Variants in SENP7 observed in about 807,000 individuals in gnomAD.
SENP7 encodes sentrin-specific protease 7.
A neutral mutation model predicts 141.2 loss-of-function variants in SENP7; 64 were observed. That is an observed-to-expected ratio of 0.45 (90% CI 0.37 to 0.56). The LOEUF (loss-of-function observed/expected upper bound fraction) is 0.56, where lower values mean the gene tolerates loss of function less well. Ranked by LOEUF, SENP7 falls within the 20% of genes least tolerant of loss-of-function variation. The pLI, the probability that SENP7 is intolerant of heterozygous loss-of-function variation, is 0.00. For synonymous variants in SENP7, 382 were observed against 426.4 expected (o/e 0.90, Z 1.28); for missense variants, 1,025 against 1,212.2 (o/e 0.85, Z 2.29).
At position 101,331,999 on chromosome 3, in the gene SENP7, T is replaced by C; in HGVS notation, c.2684A>G (p.Asp895Gly). Residue 895 changes from aspartate to glycine, a missense_variant, in exon 19 of 24, where the codon GAC becomes GGC. Physicochemically the swap from Asp to Gly is moderately conservative, Grantham distance 94. Around this residue, in one of 4 missense-constraint regions of SENP7, gnomAD observed 295 missense variants for 459.1 expected, o/e 0.64. Coordinates refer to ENST00000394095, the MANE Select transcript of SENP7 (RefSeq NM_020654.5). Reference protein sequence around the residue: ...QQSQAQQSQNDNKTIDNDLRT... With the variant: ...QQSQAQQSQNGNKTIDNDLRT... ...ATGGATGTCACCTATTGTTTTGTTG[T>C]CATTTTGGGACTGCTGAGCCTGGGA... 1 of 1,613,496 alleles carries C rather than the reference T, an allele frequency of 6.2e-7. No individual in the cohort carries two copies. Among genetic ancestry groups the C allele is most frequent in the Non-Finnish European group, 8.5e-7 (1 of 1,179,620 alleles).
At chr3:101,419,886 A>T (rs937276128) in intron 4 of SENP7, among the ~76,000 whole-genome samples, 1 of 152,226 alleles carries the variant, frequency 6.6e-6, no homozygotes, top group Non-Finnish European at 1.5e-5. Flanking sequence ...TGAGGGGCTT[A>T]CAAATTATTC....
At chr3:101,445,905 T>C (rs2062872408) in intron 4 of SENP7, among the ~76,000 whole-genome samples, 1 of 151,520 alleles carries the variant, frequency 6.6e-6, no homozygotes, top group African/African-American at 2.4e-5. Context: ...ATTATTAGAG[T>C]TAAAAAGAAA....
At chr3:101,359,100 G>A (rs1190343110) in intron 11 of SENP7, 2 of 151,818 alleles carry the variant, frequency 1.3e-5, no homozygotes, top group Non-Finnish European at 2.9e-5. Flanking sequence ...ACGTGACAAA[G>A]CCTTTATATG....
intron 7 of SENP7, among the ~76,000 whole-genome samples, chr3:101,371,576 T>C (rs2060182336): frequency 6.6e-6 from 1 of 152,188 alleles, no homozygotes. Flanking sequence ...CCTTCAAATT[T>C]GCTAATAGTG....
intron 3 of SENP7, among the ~76,000 whole-genome samples, chr3:101,468,679 G>A (rs1477207584): frequency 6.6e-6 from 1 of 152,146 alleles, no homozygotes; most frequent in Non-Finnish European, 1.5e-5. Context: ...GTCACTACCA[G>A]GCCTGCCTTA....
chr3:101,342,815 G>A (rs559782511), intron 14 of SENP7, among the ~76,000 whole-genome samples: 110 of 152,002 alleles, frequency 7.2e-4, no homozygotes, highest in African/African-American at 2.3e-3. Flanking sequence ...ACAGGAATGC[G>A]CCACCACACC....
At chr3:101,410,563 T>C (rs1328433260) in intron 5 of SENP7, among the ~76,000 whole-genome samples, 2 of 152,154 alleles carry the variant, frequency 1.3e-5, no homozygotes, top group African/African-American at 4.8e-5. Flanking sequence ...AACCATGGTA[T>C]AGGCCGGGCA....
intron 11 of SENP7, chr3:101,358,064 C>A: frequency 3.2e-6 from 2 of 630,268 alleles, no homozygotes; most frequent in Non-Finnish European, 2.5e-6. Context: ...CCTTATTAAA[C>A]ATGAGATAAT....
chr3:101,430,146 T>C (rs1183602968), intron 4 of SENP7, among the ~76,000 whole-genome samples: 1 of 152,202 alleles, frequency 6.6e-6, no homozygotes, highest in Admixed American at 6.5e-5. Context: ...GCCTAAAATT[T>C]TCTTTTTTTG....
At chr3:101,447,818 C>T (rs929093696) in intron 4 of SENP7, among the ~76,000 whole-genome samples, 2 of 151,750 alleles carry the variant, frequency 1.3e-5, no homozygotes, top group Admixed American at 6.6e-5. Flanking sequence ...AAGACCCACA[C>T]TTCCCAATTT....
chr3:101,337,352 AG>A, intron 17 of SENP7, 156 bp downstream of exon 17: 2 of 440,498 alleles, frequency 4.5e-6, no homozygotes, highest in Non-Finnish European at 8.1e-6. Context: ...AAACAGTGGA[AG>A]GATGAGAAAT....
At chr3:101,328,129 A>G (rs2058952658) in intron 22 of SENP7, among the ~76,000 whole-genome samples, 2 of 152,196 alleles carry the variant, frequency 1.3e-5, no homozygotes, top group Non-Finnish European at 2.9e-5. Context: ...AGTAAATTAC[A>G]AAATTACACA....
At chr3:101,493,846 TTAAAA>T (rs770221794) in intron 3 of SENP7, 22 bp downstream of exon 3, 29 of 1,332,492 alleles carry the variant, frequency 2.2e-5, no homozygotes, top group African/African-American at 4.4e-5. Context: ...AACTGTATAC[TTAAAA>T]TAAATTAATT....
intron 6 of SENP7, among the ~76,000 whole-genome samples, chr3:101,397,739 C>T (rs914153044): frequency 6.6e-6 from 1 of 152,010 alleles, no homozygotes. Flanking sequence ...AATAGAAATA[C>T]AAACCAGAAG....
chr3:101,342,030 A>G (rs1005836672), intron 14 of SENP7, among the ~76,000 whole-genome samples: 22 of 152,220 alleles, frequency 1.4e-4, no homozygotes, highest in African/African-American at 5.1e-4. Flanking sequence ...AGAAGAATAT[A>G]ACAATTTTGC....
intron 3 of SENP7, among the ~76,000 whole-genome samples, chr3:101,490,045 G>A (rs2064900416): frequency 6.6e-6 from 1 of 152,046 alleles, no homozygotes; most frequent in Non-Finnish European, 1.5e-5. Context: ...CTAGCCCGAT[G>A]TGGTGGTGCA....
intron 4 of SENP7, among the ~76,000 whole-genome samples, chr3:101,430,998 G>A (rs2062145240): frequency 1.3e-5 from 2 of 152,188 alleles, no homozygotes; most frequent in African/African-American, 4.8e-5. Context: ...GTATGAGCGG[G>A]TTTCTTAATC....
rs2059991053 is a variant in SENP7 at position 101,364,739 on chromosome 3, T to C, written c.1476+95A>G. 5.4e-6 allele frequency: 5 copies of C among 924,082 alleles called. No homozygotes were observed. The East Asian group carries it at 1.5e-4, about 28-fold the overall frequency. 57.2% of individuals were successfully genotyped at this position (924,082 alleles called of 1,614,324 possible). A position where few individuals can be genotyped will look rare whatever the true frequency, so the allele number is the denominator to read the frequency against. ...ATTCAAACTAAGAAAATTTGTAATT[T>C]TCATTACAATATTCAGCTTGATAAA... On this transcript the variant is annotated intron_variant, in intron 10 of 23. Transcript: ENST00000394095.
At chr3:101,450,464 T>C (rs138564110) in intron 4 of SENP7, among the ~76,000 whole-genome samples, 12,559 of 152,250 alleles carry the variant, frequency 0.082, 557 homozygotes, top group Middle Eastern at 0.14. Context: ...TAGTTGGAAG[T>C]AAAGCACTCC....
Sources: gnomAD v4.1 joint callset for allele counts (sites outside exome capture counted in the v4.1 genomes callset) on GRCh38, gnomAD v4.1.1 for gene constraint, gnomAD v4.1.1 regional missense constraint, MANE v1.5 for transcripts, NCBI Gene and HGNC (gene_info 2026-07-23, HGNC 2026-07-21) for gene names.